The following ZC3HC1 variants were observed in gnomAD, a reference collection of about 807,000 sequenced individuals.
The protein encoded by ZC3HC1 is zinc finger C3HC-type protein 1.
Under a neutral mutation model 61.9 loss-of-function variants are expected in ZC3HC1, and 38 were observed. The observed-to-expected ratio is 0.61, with a 90% CI of 0.47 to 0.81. The LOEUF is 0.81. Ranked by LOEUF, ZC3HC1 falls within the 30% of genes least tolerant of loss-of-function variation. The pLI is 0.00. For synonymous variants in ZC3HC1, 213 were observed against 229.9 expected, an observed-to-expected ratio of 0.93 and a Z score of 0.67; for missense variants, 554 against 622.7, an observed-to-expected ratio of 0.89 and a Z score of 1.17.
At chr7:130,048,685 C>A (rs1794958765) in intron 2 of ZC3HC1, among the ~76,000 whole-genome samples, 1 of 152,104 alleles carries the variant, frequency 6.6e-6, no homozygotes, top group Non-Finnish European at 1.5e-5. Context: ...TATAACCTGC[C>A]CCAAACTGTT....
In ZC3HC1 at chr7:130,023,824, G is replaced by T; in HGVS notation, c.1021-101C>A. The stretch of plus-strand genomic sequence containing the variant: ...CTTTTTTCTTTTTTTTTTTGAGACA[G>T]AGTCTCGCTTTGTTGCCAAGGCTGG... On this transcript the variant is annotated intron_variant, in intron 7 of 9. Transcript: ENST00000358303. The surrounding 1 kb of genome is among the most constrained non-coding windows in gnomAD (Gnocchi z 4.2). The T allele has an allele frequency of 1.8e-6, 2 of 1,094,816 alleles. No individual in the cohort carries two copies. Among genetic ancestry groups the T allele is most frequent in the Non-Finnish European group, 1.3e-6 (1 of 784,424 alleles). 67.8% of individuals were successfully genotyped at this position (1,094,816 alleles called of 1,614,324 possible).
chr7:130,031,213 C>G (rs1307869563), intron 4 of ZC3HC1, among the ~76,000 whole-genome samples: 1 of 151,168 alleles, frequency 6.6e-6, no homozygotes, highest in Non-Finnish European at 1.5e-5. Context: ...CCTGTAATCC[C>G]AGCTACTCGG....
intron 2 of ZC3HC1, 57 bp from the exon 3 acceptor site, chr7:130,041,158 G>GTA: frequency 6.8e-7 from 1 of 1,470,908 alleles, no homozygotes; most frequent in Non-Finnish European, 9.2e-7. Flanking sequence ...GTGTGTATGT[G>GTA]TGTGTGTGTG....
chr7:130,026,432 A>G, intron 5 of ZC3HC1, 120 bp from the exon 6 acceptor site: 24 of 1,021,202 alleles, frequency 2.4e-5, no homozygotes, highest in Non-Finnish European at 3.1e-5. Context: ...ACATGAAGAT[A>G]CTTCTCTTCA....
At chr7:130,038,864 A>C (rs2116737988) in intron 4 of ZC3HC1, among the ~76,000 whole-genome samples, 1 of 151,370 alleles carries the variant, frequency 6.6e-6, no homozygotes, top group African/African-American at 2.4e-5. Flanking sequence ...TGTCTCAAAA[A>C]AAAAAAAAAA....
chr7:130,039,145 G>A (rs1226099850), intron 4 of ZC3HC1: 1 of 255,686 alleles, frequency 3.9e-6, no homozygotes, highest in Non-Finnish European at 7.5e-6. Flanking sequence ...AAGAGTTCGA[G>A]ACCAGATTGA....
chr7:130,035,993 G>A (rs1192713540), intron 4 of ZC3HC1, among the ~76,000 whole-genome samples: 2 of 152,188 alleles, frequency 1.3e-5, no homozygotes, highest in South Asian at 2.1e-4. Flanking sequence ...TGATTTGGAA[G>A]GAAGGAGTCT....
At chr7:130,040,497 C>CAAAAAAA (rs35982469) in intron 3 of ZC3HC1, among the ~76,000 whole-genome samples, 1 of 44,178 alleles carries the variant, frequency 2.3e-5, no homozygotes, top group African/African-American at 9.1e-5. Flanking sequence ...GACTCCGTCT[C>CAAAAAAA]AAAAAAAAAA....
intron 1 of ZC3HC1, among the ~76,000 whole-genome samples, chr7:130,049,571 G>T (rs181540945): frequency 1.1e-4 from 16 of 150,544 alleles, no homozygotes; most frequent in African/African-American, 2.9e-4. Context: ...TTGAGATGGA[G>T]TCTCGCTCTG....
chr7:130,028,758 G>C, intron 5 of ZC3HC1, 144 bp downstream of exon 5: 1 of 1,098,352 alleles, frequency 9.1e-7, no homozygotes, highest in Non-Finnish European at 1.3e-6. Context: ...TCACCTTCCT[G>C]GTGGAGACTG....
Position 130,022,197 on chromosome 7 carries a change from A to C in ZC3HC1, c.1440+122T>G, listed in dbSNP as rs75128101. 5 of 1,285,826 alleles carry C rather than the reference A, an allele frequency of 3.9e-6. No individual in the cohort carries two copies. In the Admixed American group the frequency reaches 6.0e-5, roughly 15 times the overall value. 79.7% of individuals were successfully genotyped at this position (1,285,826 alleles called of 1,614,324 possible). On this transcript the variant is annotated intron_variant, in intron 9 of 9. Coordinates refer to ENST00000358303, the MANE Select transcript of ZC3HC1 (RefSeq NM_016478.5). ...AAAAAACAAACAAACAAACAAAAAA[A>C]CCCAAATAACTTGACGTATGAAAGC...
At chr7:130,039,424 G>A (rs1425237961) in intron 4 of ZC3HC1, 40 bp downstream of exon 4, 1 of 1,503,812 alleles carries the variant, frequency 6.6e-7, no homozygotes, top group Non-Finnish European at 9.1e-7. Flanking sequence ...ATGCAATGAT[G>A]AAGGAAAAAT....
At chr7:130,038,072 T>G (rs1414219387) in intron 4 of ZC3HC1, among the ~76,000 whole-genome samples, 3 of 152,146 alleles carry the variant, frequency 2.0e-5, no homozygotes, top group Non-Finnish European at 1.5e-5. Flanking sequence ...AGGATTATGG[T>G]TGGGAGCAAC....
intron 4 of ZC3HC1, among the ~76,000 whole-genome samples, chr7:130,034,971 T>G (rs2116723145): frequency 1.3e-5 from 2 of 152,270 alleles, no homozygotes; most frequent in South Asian, 4.1e-4. Flanking sequence ...CTGTCTACAC[T>G]TTAGTCTTCT....
chr7:130,046,208 C>T (rs1794859362), intron 2 of ZC3HC1, among the ~76,000 whole-genome samples: 1 of 152,066 alleles, frequency 6.6e-6, no homozygotes, highest in African/African-American at 2.4e-5. Context: ...GGGCTTAATA[C>T]CTAGGCAATG....
intron 4 of ZC3HC1, among the ~76,000 whole-genome samples, chr7:130,035,826 AG>A (rs1448499703): frequency 6.6e-6 from 1 of 152,090 alleles, no homozygotes; most frequent in Non-Finnish European, 1.5e-5. Flanking sequence ...GTGGATTTGG[AG>A]CAAGTGGTCC....
chr7:130,036,499 T>A (rs913912007), intron 4 of ZC3HC1, among the ~76,000 whole-genome samples: 7 of 151,850 alleles, frequency 4.6e-5, no homozygotes, highest in African/African-American at 1.7e-4. Flanking sequence ...GAAGCGGAGG[T>A]TGCAGTGAGC....
At chr7:130,039,338 C>G in intron 4 of ZC3HC1, 126 bp downstream of exon 4, 1 of 808,606 alleles carries the variant, frequency 1.2e-6, no homozygotes, top group Admixed American at 2.9e-5. Context: ...GAGTGAAACT[C>G]CATCTCAAAA....
intron 7 of ZC3HC1, 112 bp downstream of exon 7, chr7:130,024,151 A>G (rs1423588019): frequency 4.3e-6 from 6 of 1,400,720 alleles, no homozygotes; most frequent in African/African-American, 2.9e-5. Context: ...ATCGTAACCA[A>G]TGTAGTGGGA....
Sources: gnomAD v4.1 joint callset for allele counts (sites outside exome capture counted in the v4.1 genomes callset) on GRCh38, gnomAD v4.1.1 for gene constraint, Gnocchi (gnomAD v3.1) non-coding constraint, MANE v1.5 for transcripts, NCBI Gene and HGNC (gene_info 2026-07-23, HGNC 2026-07-21) for gene names.